The following ACTR3C variants were observed in gnomAD, a reference collection of about 807,000 sequenced individuals.
The protein encoded by ACTR3C is actin-related protein 3C.
ACTR3C carries 18 observed loss-of-function variants against 26.3 expected under a neutral mutation model. The observed-to-expected ratio is 0.68, with a 90% CI of 0.47 to 1.01. The LOEUF (loss-of-function observed/expected upper bound fraction) is 1.01. ACTR3C is among the 50% of genes least tolerant of loss of function. ACTR3C has a pLI of 0.00. For synonymous variants in ACTR3C, 55 were observed against 94.5 expected (o/e 0.58, Z 2.42); for missense variants, 184 against 250.7 (o/e 0.73, Z 1.80).
chr7:150,297,333 T>C (rs188397527), intron 1 of ACTR3C, among the ~76,000 whole-genome samples: 234 of 149,296 alleles, frequency 1.6e-3, no homozygotes, highest in East Asian at 0.01. Context: ...CCCATAAATA[T>C]GCACATTATG....
At chr7:150,171,479 C>T in the ACTR3C span, among the ~76,000 whole-genome samples, 1 of 150,652 alleles carries the variant, frequency 6.6e-6, no homozygotes, top group Non-Finnish European at 1.5e-5. Flanking sequence ...TTGAGGGAGT[C>T]TTTTACAGCA....
the ACTR3C span, among the ~76,000 whole-genome samples, chr7:150,023,111 C>A: frequency 0.85 from 123,944 of 146,146 alleles, 51,660 homozygotes; most frequent in Non-Finnish European, 0.87. Flanking sequence ...CTTTCTCTCT[C>A]TATATATCTA....
chr7:149,952,062 CAG>C, the ACTR3C span, among the ~76,000 whole-genome samples: 1 of 150,544 alleles, frequency 6.6e-6, no homozygotes, highest in South Asian at 2.1e-4. Flanking sequence ...CTTCACAGGG[CAG>C]AGAGAGCAAG....
chr7:150,181,884 C>A, the ACTR3C span, among the ~76,000 whole-genome samples: 29 of 150,520 alleles, frequency 1.9e-4, no homozygotes, highest in Admixed American at 1.8e-3. Flanking sequence ...TCCCCTTGTG[C>A]CAGACCCTGT....
the ACTR3C span, among the ~76,000 whole-genome samples, chr7:150,021,115 C>T: frequency 6.6e-6 from 1 of 151,342 alleles, no homozygotes; most frequent in Non-Finnish European, 1.5e-5. Context: ...GGCACTGCAC[C>T]CAGCCTTTTT....
At chr7:150,116,007 G>A in the ACTR3C span, among the ~76,000 whole-genome samples, 3 of 152,190 alleles carry the variant, frequency 2.0e-5, no homozygotes, top group African/African-American at 7.2e-5. Context: ...TAAGGGAAAA[G>A]TGTCATAGAA....
chr7:150,040,831 A>G, the ACTR3C span, among the ~76,000 whole-genome samples: 1 of 147,134 alleles, frequency 6.8e-6, no homozygotes, highest in Non-Finnish European at 1.5e-5. Context: ...GATGGGGGTC[A>G]CAAGAGCCAG....
At chr7:149,999,640 A>T in the ACTR3C span, among the ~76,000 whole-genome samples, 2 of 151,610 alleles carry the variant, frequency 1.3e-5, no homozygotes, top group Non-Finnish European at 2.9e-5. Flanking sequence ...GCTACAGCAA[A>T]GGGAGTGACT....
chr7:149,919,166 A>ATT, the ACTR3C span, among the ~76,000 whole-genome samples: 5 of 151,382 alleles, frequency 3.3e-5, no homozygotes, highest in Non-Finnish European at 5.9e-5. Flanking sequence ...GTTTCATTTA[A>ATT]TTTTTTTTGT....
At chr7:150,254,297 T>C (rs1260377299) in intron 6 of ACTR3C, among the ~76,000 whole-genome samples, 1 of 152,218 alleles carries the variant, frequency 6.6e-6, no homozygotes, top group Non-Finnish European at 1.5e-5. Context: ...TCCTATATTA[T>C]AATAAGAAAG....
the ACTR3C span, among the ~76,000 whole-genome samples, chr7:150,124,748 A>G: frequency 1.3e-5 from 2 of 152,108 alleles, no homozygotes; most frequent in Non-Finnish European, 2.9e-5. Context: ...ACAGCCTAAG[A>G]CCTCACACAC....
chr7:150,254,141 G>T (rs201164457), intron 6 of ACTR3C, among the ~76,000 whole-genome samples: 2 of 152,192 alleles, frequency 1.3e-5, no homozygotes, highest in East Asian at 3.8e-4. Flanking sequence ...TACATGTTGG[G>T]TGCTGAGTGC....
At chr7:150,313,736 C>T (rs944664344) in intron 1 of ACTR3C, among the ~76,000 whole-genome samples, 5 of 152,144 alleles carry the variant, frequency 3.3e-5, no homozygotes, top group Admixed American at 3.3e-4. Flanking sequence ...TTTACATTAG[C>T]TAGAAAGAGG....
chr7:150,097,184 C>T, the ACTR3C span, among the ~76,000 whole-genome samples: 1 of 151,820 alleles, frequency 6.6e-6, no homozygotes, highest in Non-Finnish European at 1.5e-5. Context: ...AAGACATCCC[C>T]AAAGAATCAC....
chr7:150,029,128 C>T, the ACTR3C span, among the ~76,000 whole-genome samples: 6 of 152,054 alleles, frequency 3.9e-5, no homozygotes, highest in South Asian at 2.1e-4. Context: ...TGTGTCAAGC[C>T]GATGCCTCCT....
At chr7:150,248,770 G>A (rs1475396102) in intron 7 of ACTR3C, 178 bp downstream of exon 7, 2 of 390,374 alleles carry the variant, frequency 5.1e-6, no homozygotes, top group South Asian at 8.9e-5. Context: ...ATGAAGAGTC[G>A]ATTGAGACTC....
chr7:150,316,480 G>GT lies in ACTR3C; in HGVS notation c.-52+6988dup, dbSNP rs1563212991. Among the ~76,000 whole-genome samples the GT allele has an allele frequency of 1.6e-4, 21 of 131,732 alleles. 1 individual carries two copies. The highest frequency in any genetic ancestry group is 2.4e-4 in the South Asian group (1 of 4,228). 86.4% of individuals were successfully genotyped at this position (131,732 alleles called of 152,430 possible). A position where few individuals can be genotyped will look rare whatever the true frequency, so the allele number is the denominator to read the frequency against. On this transcript the variant is annotated intron_variant, in intron 1 of 7. Transcript: ENST00000683684. ...TTTTCCATCTGAACTTTAGAATCTG[G>GT]TTATTTTTTTTTTTTTTTTTTTTTT... is the stretch of plus-strand genomic sequence containing the variant.
In ACTR3C at chr7:150,296,940, G is replaced by A. The variant is rs1298252606; in HGVS notation, c.-51-1593C>T. Among the ~76,000 whole-genome samples, 26 of 151,754 alleles carry A rather than the reference G, an allele frequency of 1.7e-4. No individual in the cohort carries two copies. In the East Asian group the frequency reaches 3.9e-3, roughly 23 times the overall value. On this transcript the variant is annotated intron_variant, in intron 1 of 7. Transcript: ENST00000683684. ...ACATACAAGCCAGGAAGAGGGCTGC[G>A]CCAGGAGCCAACCCCGACGGCACCT...
the ACTR3C span, among the ~76,000 whole-genome samples, chr7:150,013,650 TG>T: frequency 2.0e-5 from 3 of 152,254 alleles, no homozygotes; most frequent in African/African-American, 7.2e-5. Context: ...ATGAGATCCC[TG>T]TTCTCTTCTT....
Sources: gnomAD v4.1 joint callset for allele counts (sites outside exome capture counted in the v4.1 genomes callset) on GRCh38, gnomAD v4.1.1 for gene constraint, MANE v1.5 for transcripts, NCBI Gene and HGNC (gene_info 2026-07-23, HGNC 2026-07-21) for gene names.